CNOT6L: variants seen among roughly 807,000 people sequenced by gnomAD.
CNOT6L encodes CCR4-NOT transcription complex subunit 6-like.
In CNOT6L, 7 loss-of-function variants were observed where a neutral mutation model predicts 64.0. The ratio of observed to expected loss-of-function variants is 0.11; its 90% CI spans 0.06 to 0.21. The LOEUF is 0.21. Among genes scored for constraint, CNOT6L ranks in the 10% least tolerant of loss-of-function variants. CNOT6L has a pLI of 1.00. For synonymous variants in CNOT6L, 193 were observed against 243.4 expected (o/e 0.79, Z 1.93); for missense variants, 245 against 669.0 (o/e 0.37, Z 6.99).
At chr4:77,795,651 T>G (rs1730747803) in intron 1 of CNOT6L, among the ~76,000 whole-genome samples, 2 of 152,280 alleles carry the variant, frequency 1.3e-5, no homozygotes, top group South Asian at 4.1e-4. Context: ...CCACCATGAT[T>G]GTTAAGTCTT....
At chr4:77,770,102 C>T (rs1347253691) in intron 4 of CNOT6L, among the ~76,000 whole-genome samples, 1 of 152,094 alleles carries the variant, frequency 6.6e-6, no homozygotes, top group East Asian at 1.9e-4. Flanking sequence ...TAAAATTGGC[C>T]TTCTTATCCT....
At chr4:77,757,405 A>G (rs1372330200) in intron 4 of CNOT6L, among the ~76,000 whole-genome samples, 1 of 152,184 alleles carries the variant, frequency 6.6e-6, no homozygotes, top group African/African-American at 2.4e-5. Context: ...TTCAAGTAAG[A>G]AGAAAATGTG....
chr4:77,794,117 A>G (rs1290831318), intron 1 of CNOT6L, among the ~76,000 whole-genome samples: 2 of 130,908 alleles, frequency 1.5e-5, no homozygotes, highest in African/African-American at 2.9e-5. Context: ...GCACCACTGC[A>G]CTCAAGCCTG....
At chr4:77,748,427 T>C (rs1724449828) in intron 5 of CNOT6L, 43 bp from the exon 6 acceptor site, 3 of 1,207,804 alleles carry the variant, frequency 2.5e-6, no homozygotes, top group Non-Finnish European at 2.5e-6. Flanking sequence ...CATGTGTTTC[T>C]GAAATCTGAA....
At chr4:77,771,781 C>G (rs576802150) in intron 4 of CNOT6L, among the ~76,000 whole-genome samples, 5 of 152,104 alleles carry the variant, frequency 3.3e-5, no homozygotes, top group Non-Finnish European at 5.9e-5. Context: ...ATAACAAAAG[C>G]AAATGCAGGC....
intron 1 of CNOT6L, among the ~76,000 whole-genome samples, chr4:77,780,137 A>T (rs1160654139): frequency 6.6e-6 from 1 of 152,220 alleles, no homozygotes; most frequent in African/African-American, 2.4e-5. Context: ...ATTCAAATGT[A>T]ATTTAAATCT....
intron 5 of CNOT6L, among the ~76,000 whole-genome samples, chr4:77,753,729 G>C (rs1725125072): frequency 6.6e-6 from 1 of 151,614 alleles, no homozygotes; most frequent in Non-Finnish European, 1.5e-5. Flanking sequence ...ACTGAATCTA[G>C]GGTATAAAAA....
At chr4:77,809,728 A>C (rs1732690928) in intron 1 of CNOT6L, among the ~76,000 whole-genome samples, 1 of 152,302 alleles carries the variant, frequency 6.6e-6, no homozygotes, top group African/African-American at 2.4e-5. Context: ...CAGTATTTGT[A>C]GCTGGTATTA....
intron 1 of CNOT6L, among the ~76,000 whole-genome samples, chr4:77,813,492 A>G (rs991963333): frequency 3.9e-5 from 6 of 152,138 alleles, no homozygotes; most frequent in Non-Finnish European, 7.4e-5. Context: ...AACTCACAAA[A>G]TGGAGGAAAA....
At chr4:77,799,704 C>CA (rs71214370) in intron 1 of CNOT6L, among the ~76,000 whole-genome samples, 46,536 of 90,780 alleles carry the variant, frequency 0.51, 11,420 homozygotes, top group African/African-American at 0.54. Flanking sequence ...AACTCCATCT[C>CA]AAAAAAAAAA....
chr4:77,774,773 A>C, intron 2 of CNOT6L, 57 bp from the exon 3 acceptor site: 2 of 1,116,676 alleles, frequency 1.8e-6, no homozygotes, highest in Non-Finnish European at 2.5e-6. Flanking sequence ...ATGACACCTA[A>C]ACTACAACGA....
In CNOT6L at chr4:77,744,667, T is replaced by C. The variant is rs1487952689; in HGVS notation, c.717+51A>G. 15 of 1,489,124 alleles carry C rather than the reference T, an allele frequency of 1.0e-5. No individual in the cohort carries two copies. The East Asian group carries it at 2.6e-4, about 26-fold the overall frequency. The allele number at this position is 1,489,124 out of a possible 1,614,324, so 92.2% of individuals were successfully genotyped here. A position where few individuals can be genotyped will look rare whatever the true frequency, so the allele number is the denominator to read the frequency against. On this transcript the variant is annotated intron_variant, in intron 7 of 11. Coordinates refer to ENST00000504123, the MANE Select transcript of CNOT6L (RefSeq NM_144571.3). Reference sequence around the variant, plus strand: ...CTCCCAGTGGTCAGATCTTCTCTTATGTTTAAGTTCACCTTTTAAGTTAAA... The same window carrying C: ...CTCCCAGTGGTCAGATCTTCTCTTACGTTTAAGTTCACCTTTTAAGTTAAA...
chr4:77,777,541 A>G (rs1400423173), intron 1 of CNOT6L, among the ~76,000 whole-genome samples: 4 of 152,328 alleles, frequency 2.6e-5, no homozygotes, highest in South Asian at 4.1e-4. Context: ...GCTTGGTACT[A>G]GACAAAAAAT....
rs1720857536 is a variant in CNOT6L at position 77,717,424 on chromosome 4, A to C, written c.*3007T>G. 6.6e-6 allele frequency: 1 copy of C among 152,500 alleles called. No individual in the cohort carries two copies. The highest frequency in any genetic ancestry group is 1.5e-5 in the Non-Finnish European group (1 of 67,992). 9.4% of individuals were successfully genotyped at this position (152,500 alleles called of 1,614,324 possible). A position where few individuals can be genotyped will look rare whatever the true frequency, so the allele number is the denominator to read the frequency against. On this transcript the variant is annotated 3_prime_UTR_variant, in exon 12 of 12. Coordinates refer to ENST00000504123, the MANE Select transcript of CNOT6L (RefSeq NM_144571.3). ...TTTAAGAACATTCCGGTTCTTAGAC[A>C]AATATCGAAATAATATTTAACAGTT... is the stretch of plus-strand genomic sequence containing the variant.
At chr4:77,819,121 C>T in intron 1 of CNOT6L, 183 bp downstream of exon 1, 3 of 1,176,802 alleles carry the variant, frequency 2.5e-6, no homozygotes, top group Non-Finnish European at 3.7e-6. Context: ...TCAGCCCCGC[C>T]GCCCCCTCCA....
Position 77,776,272 on chromosome 4 carries a change from C to T in CNOT6L, c.126G>A (p.Ser42=), listed in dbSNP as rs534419988. 5.1e-5 allele frequency: 82 copies of T among 1,610,726 alleles called. 2 individuals are homozygous for T. The South Asian group carries it at 7.3e-4, about 14-fold the overall frequency. ...KKSHWAELEI[S]GRVRSLSTSL... is the part of the protein sequence containing the mutation. ...TTAAATGCTTCAGATTCCACTCACC[C>T]GAGATTTCTAATTCTGCCCAGTGAG... Residue 42 remains serine, a splice_region_variant and synonymous_variant, in exon 2 of 12, where the codon TCG becomes TCA. Coordinates refer to ENST00000504123, the MANE Select transcript of CNOT6L (RefSeq NM_144571.3).
At chr4:77,819,133 T>G in intron 1 of CNOT6L, 171 bp downstream of exon 1, 1 of 1,272,286 alleles carries the variant, frequency 7.9e-7, no homozygotes, top group Non-Finnish European at 1.1e-6. Context: ...CCCCCTCCAG[T>G]CACCCGACAC....
At position 77,730,697 on chromosome 4, in the gene CNOT6L, G is replaced by GAATAATTC; in HGVS notation, c.1024+682_1024+689dup. ...AAGGTTTGACACATATGCATGGTCT[G>GAATAATTC]AATAATTCAAATCAATACTCTAGTC... On this transcript the variant is annotated intron_variant, in intron 9 of 11. Coordinates refer to ENST00000504123, the MANE Select transcript of CNOT6L (RefSeq NM_144571.3). Among the ~76,000 whole-genome samples, 3 of 152,188 alleles carry GAATAATTC rather than the reference G, an allele frequency of 2.0e-5. No homozygotes were observed. In the South Asian group the frequency reaches 6.2e-4, roughly 32 times the overall value.
At chr4:77,784,063 G>C (rs888758476) in intron 1 of CNOT6L, among the ~76,000 whole-genome samples, 3 of 151,864 alleles carry the variant, frequency 2.0e-5, no homozygotes, top group Non-Finnish European at 4.4e-5. Flanking sequence ...ATAACTTTAC[G>C]GCAATCCAGA....
Sources: gnomAD v4.1 joint callset for allele counts (sites outside exome capture counted in the v4.1 genomes callset) on GRCh38, gnomAD v4.1.1 for gene constraint, MANE v1.5 for transcripts, NCBI Gene and HGNC (gene_info 2026-07-23, HGNC 2026-07-21) for gene names.